Variants in KCNN2 observed in about 807,000 individuals in gnomAD.
The protein encoded by KCNN2 is potassium calcium-activated channel subfamily N member 2.
KCNN2 carries 24 observed loss-of-function variants against 55.5 expected under a neutral mutation model. The ratio of observed to expected loss-of-function variants is 0.43; its 90% CI spans 0.31 to 0.61. The LOEUF is 0.61. KCNN2 is among the 20% of genes least tolerant of loss of function. The pLI, the probability that KCNN2 is intolerant of heterozygous loss-of-function variation, is 0.08. For missense variants in KCNN2, 754 were observed against 853.6 expected (o/e 0.88, Z 1.45); for synonymous variants, 431 against 336.1 (o/e 1.28, Z -3.09).
chr5:114,265,255 G>A (rs1027631071), intron 2 of KCNN2, among the ~76,000 whole-genome samples: 3 of 151,752 alleles, frequency 2.0e-5, no homozygotes, highest in Non-Finnish European at 4.4e-5. Flanking sequence ...AGAAAATCCT[G>A]TTATAAAATT....
intron 2 of KCNN2, among the ~76,000 whole-genome samples, chr5:114,233,918 T>C (rs1754416742): frequency 6.6e-6 from 1 of 152,198 alleles, no homozygotes; most frequent in African/African-American, 2.4e-5. Flanking sequence ...TTTTGAGTTC[T>C]GAGATGACAC....
intron 6 of KCNN2, chr5:114,489,047 T>C (rs937873557): frequency 3.3e-5 from 5 of 152,088 alleles, no homozygotes; most frequent in Non-Finnish European, 4.4e-5. Flanking sequence ...AAATGGGTAA[T>C]TACATGTGAT....
At chr5:114,292,673 G>A (rs896331786) in intron 2 of KCNN2, among the ~76,000 whole-genome samples, 5 of 152,044 alleles carry the variant, frequency 3.3e-5, no homozygotes, top group East Asian at 1.9e-4. Flanking sequence ...TTGGTGACGC[G>A]GGCTCTTTTT....
At chr5:114,445,827 A>T (rs1046345643) in intron 3 of KCNN2, among the ~76,000 whole-genome samples, 5 of 152,172 alleles carry the variant, frequency 3.3e-5, no homozygotes, top group Admixed American at 2.6e-4. Flanking sequence ...CTTTTATTCT[A>T]GTTGTTTGAT....
At chr5:114,370,203 G>A (rs1757720744) in intron 2 of KCNN2, among the ~76,000 whole-genome samples, 1 of 152,098 alleles carries the variant, frequency 6.6e-6, no homozygotes, top group Non-Finnish European at 1.5e-5. Context: ...GTTAATAAAA[G>A]TGAGTCACCC....
At chr5:114,464,815 A>G (rs1415280353) in intron 4 of KCNN2, among the ~76,000 whole-genome samples, 6 of 93,542 alleles carry the variant, frequency 6.4e-5, no homozygotes, top group Non-Finnish European at 1.1e-4. Flanking sequence ...ACTTTAAAAA[A>G]AAAAACGGTA....
intron 1 of KCNN2, among the ~76,000 whole-genome samples, chr5:114,139,838 A>G (rs1254303183): frequency 1.3e-5 from 2 of 152,118 alleles, no homozygotes; most frequent in South Asian, 2.1e-4. Flanking sequence ...AATATCCACA[A>G]TTAAATGGAA....
intron 5 of KCNN2, among the ~76,000 whole-genome samples, chr5:114,474,418 A>G: frequency 6.6e-6 from 1 of 152,088 alleles, no homozygotes; most frequent in South Asian, 2.1e-4. Flanking sequence ...TACATTTACC[A>G]CTTTGGAATG....
intron 2 of KCNN2, among the ~76,000 whole-genome samples, chr5:114,270,755 G>C (rs142015210): frequency 0.032 from 4,885 of 152,190 alleles, 256 homozygotes; most frequent in African/African-American, 0.11. Flanking sequence ...CCTTCTGGTG[G>C]GTTCTTGGTC....
chr5:114,409,969 C>G (rs1309530698), intron 3 of KCNN2, among the ~76,000 whole-genome samples: 1 of 152,070 alleles, frequency 6.6e-6, no homozygotes. Flanking sequence ...TAAGCAGCTT[C>G]CCCAGACCAG....
At chr5:114,117,328 C>T (rs1751725798) in intron 1 of KCNN2, among the ~76,000 whole-genome samples, 2 of 152,134 alleles carry the variant, frequency 1.3e-5, no homozygotes, top group Non-Finnish European at 2.9e-5. Context: ...GTTCATTCTC[C>T]TGCCTAACCC....
At chr5:114,303,781 G>A (rs1373502602) in intron 2 of KCNN2, among the ~76,000 whole-genome samples, 1 of 152,060 alleles carries the variant, frequency 6.6e-6, no homozygotes, top group Admixed American at 6.5e-5. Context: ...ATTGATAGGT[G>A]GTAGGGCACT....
chr5:114,426,984 A>G (rs921955911), intron 3 of KCNN2, among the ~76,000 whole-genome samples: 3 of 152,216 alleles, frequency 2.0e-5, no homozygotes, highest in African/African-American at 2.4e-5. Flanking sequence ...TGTAGACTAC[A>G]AGAAAAGTTT....
intron 1 of KCNN2, among the ~76,000 whole-genome samples, chr5:114,191,084 G>A (rs965858823): frequency 6.6e-6 from 1 of 152,122 alleles, no homozygotes; most frequent in African/African-American, 2.4e-5. Flanking sequence ...GTATGAATAT[G>A]TCAAAACATA....
chr5:114,156,074 G>C (rs1752627649), intron 1 of KCNN2, among the ~76,000 whole-genome samples: 1 of 152,032 alleles, frequency 6.6e-6, no homozygotes, highest in African/African-American at 2.4e-5. Context: ...GTAAGGAAGG[G>C]GTCTAATGTT....
intron 2 of KCNN2, among the ~76,000 whole-genome samples, chr5:114,307,147 G>A (rs1042366750): frequency 6.6e-6 from 1 of 152,102 alleles, no homozygotes; most frequent in African/African-American, 2.4e-5. Context: ...TTTCAAGAAA[G>A]GATAATAAGA....
At chr5:114,135,116 G>A (rs1232361845) in intron 1 of KCNN2, among the ~76,000 whole-genome samples, 1 of 152,054 alleles carries the variant, frequency 6.6e-6, no homozygotes, top group Non-Finnish European at 1.5e-5. Context: ...TGTAGATCTG[G>A]GAGAGCTGAA....
At chr5:114,421,475 G>A (rs1347643163) in intron 3 of KCNN2, among the ~76,000 whole-genome samples, 1 of 151,458 alleles carries the variant, frequency 6.6e-6, no homozygotes. Context: ...ATTTTTAGTA[G>A]AGATGCAGTT....
Position 114,367,650 on chromosome 5 carries a change from AT to A in KCNN2, c.1218+3663del, listed in dbSNP as rs577014520. Among the ~76,000 whole-genome samples the A allele has an allele frequency of 5.5e-3, 791 of 142,914 alleles. 2 individuals carry two copies. The highest frequency in any genetic ancestry group is 0.011 in the Middle Eastern group (3 of 278). The allele number at this position is 142,914 out of a possible 152,430, so 93.8% of individuals were successfully genotyped here. A position where few individuals can be genotyped will look rare whatever the true frequency, so the allele number is the denominator to read the frequency against. On this transcript the variant is annotated intron_variant, in intron 2 of 7. Coordinates refer to ENST00000673685, the MANE Select transcript of KCNN2 (RefSeq NM_021614.4). Reference sequence around the variant, plus strand: ...AAACAGAAGCATGCTTTTCAGTGACATTTTTTTTTTTTTTACCCCACCCCAC... The same window carrying A: ...AAACAGAAGCATGCTTTTCAGTGACATTTTTTTTTTTTTACCCCACCCCAC...
Sources: allele counts gnomAD v4.1 joint callset (sites outside exome capture counted in the v4.1 genomes callset), GRCh38; gene constraint gnomAD v4.1.1; transcripts MANE v1.5; gene names NCBI Gene and HGNC (gene_info 2026-07-23, HGNC 2026-07-21).